DYNC1I1: variants seen among roughly 807,000 people sequenced by gnomAD.
The protein encoded by DYNC1I1 is cytoplasmic dynein 1 intermediate chain 1.
Under a neutral mutation model 86.6 loss-of-function variants are expected in DYNC1I1, and 43 were observed. The ratio of observed to expected loss-of-function variants is 0.50; its 90% CI spans 0.39 to 0.64. The LOEUF (loss-of-function observed/expected upper bound fraction) is 0.64. Ranked by LOEUF, DYNC1I1 falls within the 30% of genes least tolerant of loss-of-function variation. The pLI is 0.00. For missense variants in DYNC1I1, 604 were observed against 788.8 expected, an observed-to-expected ratio of 0.77 and a Z score of 2.81; for synonymous variants, 262 against 283.7, an observed-to-expected ratio of 0.92 and a Z score of 0.77.
rs993051726 is a variant in DYNC1I1, at chr7:96,097,963, T to C, written c.*370T>C. ...TAAATCCATATGAAGCCAGATATGA[T>C]TGGGTGCAGATGTGGTGTTCCTCAT... On this transcript the variant is annotated 3_prime_UTR_variant, in exon 17 of 17. Coordinates refer to ENST00000447467, the MANE Select transcript of DYNC1I1 (RefSeq NM_001135556.2). 9.9e-6 allele frequency: 10 copies of C among 1,013,890 alleles called. No individual in the cohort carries two copies. Among genetic ancestry groups the C allele is most frequent in the Admixed American group, 5.3e-5 (1 of 18,792 alleles). 62.8% of individuals were successfully genotyped at this position (1,013,890 alleles called of 1,614,324 possible). A position where few individuals can be genotyped will look rare whatever the true frequency, so the allele number is the denominator to read the frequency against.
intron 7 of DYNC1I1, among the ~76,000 whole-genome samples, chr7:95,980,715 A>C (rs115243976): frequency 6.6e-6 from 1 of 151,978 alleles, no homozygotes; most frequent in Non-Finnish European, 1.5e-5. Context: ...TTTTTCTGCC[A>C]TAGAGTAGGA....
At chr7:96,089,715 T>C (rs918434621) in intron 16 of DYNC1I1, among the ~76,000 whole-genome samples, 3 of 152,128 alleles carry the variant, frequency 2.0e-5, no homozygotes, top group Admixed American at 1.3e-4. Flanking sequence ...ACTATAGATA[T>C]GGTAAATCAT....
At chr7:95,945,916 A>G (rs937995024) in intron 6 of DYNC1I1, among the ~76,000 whole-genome samples, 2 of 152,220 alleles carry the variant, frequency 1.3e-5, no homozygotes, top group African/African-American at 2.4e-5. Flanking sequence ...ATGCCCATCA[A>G]TGATAGACTG....
At chr7:96,000,229 T>C (rs1443251929) in intron 10 of DYNC1I1, among the ~76,000 whole-genome samples, 1 of 152,140 alleles carries the variant, frequency 6.6e-6, no homozygotes, top group Non-Finnish European at 1.5e-5. Flanking sequence ...TGAAAGCACA[T>C]AGTAGGTGCT....
intron 6 of DYNC1I1, among the ~76,000 whole-genome samples, chr7:95,918,779 T>C (rs1791535541): frequency 6.6e-6 from 1 of 152,252 alleles, no homozygotes; most frequent in South Asian, 2.1e-4. Flanking sequence ...TTTGAAATTC[T>C]TCATTGTTAG....
At chr7:96,055,991 A>T (rs1236497325) in intron 14 of DYNC1I1, 1 of 151,924 alleles carries the variant, frequency 6.6e-6, no homozygotes, top group African/African-American at 2.4e-5. Context: ...CTCACTTAGG[A>T]CCTTCCTTAA....
intron 5 of DYNC1I1, among the ~76,000 whole-genome samples, chr7:95,834,854 TTC>T (rs1233413788): frequency 1.3e-5 from 2 of 151,420 alleles, no homozygotes; most frequent in South Asian, 4.2e-4. Flanking sequence ...TATTTGATTC[TTC>T]TCTCTTTTTT....
intron 14 of DYNC1I1, among the ~76,000 whole-genome samples, chr7:96,056,466 A>G (rs1789580399): frequency 6.6e-6 from 1 of 152,170 alleles, no homozygotes; most frequent in African/African-American, 2.4e-5. Flanking sequence ...GAGAAAGACT[A>G]TATCTTCTTT....
At chr7:95,844,443 A>G (rs1265171905) in intron 5 of DYNC1I1, among the ~76,000 whole-genome samples, 1 of 152,204 alleles carries the variant, frequency 6.6e-6, no homozygotes. Context: ...TGCTGCACAG[A>G]CAAAACCAGT....
intron 6 of DYNC1I1, among the ~76,000 whole-genome samples, chr7:95,942,594 C>G (rs1792262216): frequency 6.6e-6 from 1 of 152,048 alleles, no homozygotes; most frequent in Admixed American, 6.6e-5. Context: ...GACCAATATC[C>G]TTGATGAACA....
intron 16 of DYNC1I1, 127 bp from the exon 17 acceptor site, chr7:96,097,356 C>CATT: frequency 9.8e-7 from 1 of 1,018,026 alleles, no homozygotes; most frequent in Non-Finnish European, 1.4e-6. Context: ...TGTTTGATTT[C>CATT]CTTTACATTC....
chr7:95,937,630 T>C (rs890317274), intron 6 of DYNC1I1, among the ~76,000 whole-genome samples: 18 of 152,038 alleles, frequency 1.2e-4, no homozygotes, highest in Non-Finnish European at 2.1e-4. Context: ...GGTATTATGA[T>C]TGGTAGGAGA....
At chr7:96,050,038 C>CA (rs78767576) in intron 14 of DYNC1I1, among the ~76,000 whole-genome samples, 9,733 of 138,914 alleles carry the variant, frequency 0.07, 444 homozygotes, top group South Asian at 0.19. Flanking sequence ...AACAAACAAA[C>CA]AAAAAAAAAA....
intron 6 of DYNC1I1, among the ~76,000 whole-genome samples, chr7:95,942,884 G>C (rs1334354322): frequency 6.8e-6 from 1 of 146,442 alleles, no homozygotes; most frequent in Non-Finnish European, 1.5e-5. Flanking sequence ...AAAATAATAA[G>C]AGCTATCTAT....
intron 14 of DYNC1I1, among the ~76,000 whole-genome samples, chr7:96,041,944 A>G (rs1789064571): frequency 6.6e-6 from 1 of 152,318 alleles, no homozygotes; most frequent in South Asian, 2.1e-4. Flanking sequence ...GATTCCTAAA[A>G]AATTTAAAGT....
chr7:95,940,342 C>T (rs1033382030), intron 6 of DYNC1I1, among the ~76,000 whole-genome samples: 22 of 152,016 alleles, frequency 1.4e-4, no homozygotes, highest in Non-Finnish European at 2.9e-4. Context: ...TGAATGTTGG[C>T]CTGCCTTGCT....
At chr7:95,988,112 C>T (rs1793641789) in intron 9 of DYNC1I1, among the ~76,000 whole-genome samples, 1 of 152,204 alleles carries the variant, frequency 6.6e-6, no homozygotes, top group Non-Finnish European at 1.5e-5. Flanking sequence ...TGAGGTGGCT[C>T]AAGCCTGTAA....
intron 6 of DYNC1I1, among the ~76,000 whole-genome samples, chr7:95,874,136 A>G (rs1313007160): frequency 1.3e-5 from 2 of 152,212 alleles, no homozygotes; most frequent in African/African-American, 4.8e-5. Context: ...AGCAGTGAAA[A>G]TTTGATCCCC....
chr7:96,035,576 A>G, intron 12 of DYNC1I1, 43 bp from the exon 13 acceptor site: 1 of 1,526,326 alleles, frequency 6.6e-7, no homozygotes, highest in Middle Eastern at 1.7e-4. Context: ...TGGCATGGCA[A>G]GGAGTTGACA....
Sources: allele counts gnomAD v4.1 joint callset (sites outside exome capture counted in the v4.1 genomes callset), GRCh38; gene constraint gnomAD v4.1.1; transcripts MANE v1.5; gene names NCBI Gene and HGNC (gene_info 2026-07-23, HGNC 2026-07-21).